Variants in RPL19 observed in about 807,000 individuals in gnomAD.
RPL19 encodes large ribosomal subunit protein eL19.
A neutral mutation model predicts 25.1 loss-of-function variants in RPL19; 2 were observed. That is an observed-to-expected ratio of 0.08 (90% CI 0.03 to 0.25). The LOEUF (loss-of-function observed/expected upper bound fraction) is 0.25. Ranked by LOEUF, RPL19 falls within the 10% of genes least tolerant of loss-of-function variation. RPL19 has a pLI of 1.00. For missense variants in RPL19, 123 were observed against 271.8 expected, an observed-to-expected ratio of 0.45 and a Z score of 3.85; for synonymous variants, 89 against 91.2, an observed-to-expected ratio of 0.98 and a Z score of 0.14.
Position 39,200,321 on chromosome 17 carries a change from C to G in RPL19, c.-24C>G, listed in dbSNP as rs374608660. On this transcript the variant is annotated 5_prime_UTR_variant, in exon 1 of 6. Coordinates refer to ENST00000225430, the MANE Select transcript of RPL19 (RefSeq NM_000981.4). The stretch of plus-strand genomic sequence containing the variant: ...GGAGCCGGGCCCGAGCGAGCTCTTT[C>G]CTTTCGCTGCTGCGGCCGCAGCCAT... 600 of 1,550,968 alleles carry G rather than the reference C, an allele frequency of 3.9e-4. 2 individuals are homozygous for G. In the African/African-American group the frequency reaches 7.2e-3, roughly 18 times the overall value.
chr17:39,204,483 A>AT (rs1473321132), intron 5 of RPL19, 42 bp from the exon 6 acceptor site: 2 of 1,611,396 alleles, frequency 1.2e-6, no homozygotes, highest in Middle Eastern at 1.7e-4. Context: ...CTAGCATCTC[A>AT]TCTCTTCCCA....
intron 3 of RPL19, 81 bp from the exon 4 acceptor site, chr17:39,202,908 G>T: frequency 6.6e-7 from 1 of 1,514,634 alleles, no homozygotes; most frequent in Non-Finnish European, 9.1e-7. Flanking sequence ...TAAGGACCCT[G>T]ACTTGAAACT....
Position 39,200,317 on chromosome 17 carries a change from CT to C in RPL19, c.-25del. 1 of 1,548,870 alleles carries C rather than the reference CT, an allele frequency of 6.5e-7. No homozygotes were observed. The highest frequency in any genetic ancestry group is 1.2e-5 in the South Asian group (1 of 83,254). On this transcript the variant is annotated 5_prime_UTR_variant, in exon 1 of 6. Coordinates refer to ENST00000225430, the MANE Select transcript of RPL19 (RefSeq NM_000981.4). ...GGGAGGAGCCGGGCCCGAGCGAGCTCTTTCCTTTCGCTGCTGCGGCCGCAGC... is the reference window on the plus strand; with the variant it reads ...GGGAGGAGCCGGGCCCGAGCGAGCTCTTCCTTTCGCTGCTGCGGCCGCAGC...
intron 1 of RPL19, 125 bp downstream of exon 1, chr17:39,200,474 T>G: frequency 2.3e-6 from 3 of 1,323,642 alleles, no homozygotes; most frequent in Non-Finnish European, 1.9e-6. Flanking sequence ...GTCCCGGGGT[T>G]TGGGGTAGGC....
chr17:39,203,628 C>G (rs576725887), intron 4 of RPL19, among the ~76,000 whole-genome samples: 1 of 151,938 alleles, frequency 6.6e-6, no homozygotes, highest in East Asian at 1.9e-4. Context: ...CCTGCCTCAC[C>G]GTCTCAAGTA....
chr17:39,202,964 C>G (rs752514495), intron 3 of RPL19, 25 bp from the exon 4 acceptor site: 9 of 1,613,638 alleles, frequency 5.6e-6, no homozygotes, highest in Non-Finnish European at 5.9e-6. Flanking sequence ...GGTAGTGGCC[C>G]GTTCCTAACT....
chr17:39,200,676 C>G (rs906396962), intron 1 of RPL19: 12 of 1,119,378 alleles, frequency 1.1e-5, no homozygotes, highest in East Asian at 5.2e-5. Context: ...GGAGCGGAGC[C>G]GATCTCTGCT....
chr17:39,202,730 G>A, intron 3 of RPL19: 2 of 564,002 alleles, frequency 3.5e-6, no homozygotes, highest in South Asian at 4.5e-5. Flanking sequence ...GTGTTGCCTT[G>A]GTGCACTGCC....
chr17:39,201,917 A>G (rs750543657), intron 2 of RPL19, among the ~76,000 whole-genome samples: 3 of 152,108 alleles, frequency 2.0e-5, no homozygotes, highest in African/African-American at 4.8e-5. Flanking sequence ...CAGAGTGTCT[A>G]TAAAATGGAG....
chr17:39,200,436 T>A (rs2046277961), intron 1 of RPL19, 87 bp downstream of exon 1: 2 of 1,355,694 alleles, frequency 1.5e-6, no homozygotes, highest in Non-Finnish European at 1.9e-6. Context: ...TTGGGGGAGA[T>A]GAAATGGAGG....
chr17:39,202,337 A>C lies in RPL19; in HGVS notation c.133A>C (p.Ile45Leu), dbSNP rs1426165763. ...ANSRQQIRKL[I>L]KDGLIIRKPV... ...CCCAGGTCAGCAGATCCGGAAGCTC[A>C]TCAAAGATGGGCTGATCATCCGCAA... Residue 45 changes from isoleucine to leucine, a missense_variant, in exon 3 of 6, where the codon ATC (isoleucine) becomes CTC (leucine). Coordinates refer to ENST00000225430, the MANE Select transcript of RPL19 (RefSeq NM_000981.4). The C allele has an allele frequency of 6.2e-7, 1 of 1,613,936 alleles. No homozygotes were observed. Among genetic ancestry groups the C allele is most frequent in the Non-Finnish European group, 8.5e-7 (1 of 1,180,006 alleles).
chr17:39,203,403 G>A (rs144032543), intron 4 of RPL19, among the ~76,000 whole-genome samples: 2 of 151,824 alleles, frequency 1.3e-5, no homozygotes, highest in East Asian at 1.9e-4. Flanking sequence ...GGATGGTCTC[G>A]ATCTCCTGGC....
At chr17:39,204,459 G>A in intron 5 of RPL19, 66 bp from the exon 6 acceptor site, 1 of 1,586,534 alleles carries the variant, frequency 6.3e-7, no homozygotes, top group Non-Finnish European at 8.6e-7. Flanking sequence ...GTCTGGGGAT[G>A]TGCTTCTGTC....
intron 1 of RPL19, 97 bp from the exon 2 acceptor site, chr17:39,201,116 G>C (rs1207981656): frequency 1.1e-5 from 9 of 783,240 alleles, no homozygotes; most frequent in Non-Finnish European, 2.0e-5. Flanking sequence ...TTATTTCGCG[G>C]CTGTGGTGTG....
chr17:39,202,317 G>A lies in RPL19; in HGVS notation c.113G>A (p.Arg38His). 6.2e-7 allele frequency: 1 copy of A among 1,613,536 alleles called. No individual in the cohort carries two copies. Among genetic ancestry groups the A allele is most frequent in the Non-Finnish European group, 8.5e-7 (1 of 1,179,894 alleles). The change falls in exon 3 of 6, where the codon CGT becomes CAT. Residue 38 changes from arginine (R) to histidine (H), a missense_variant and splice_region_variant. By Grantham distance (29) the Arg-to-His change is conservative (BLOSUM62 0). Coordinates refer to ENST00000225430, the MANE Select transcript of RPL19 (RefSeq NM_000981.4). ...ETNEIANANS[R>H]QQIRKLIKDG... ...GACCAGGTGCATTATGCTTTCCCAG[G>A]TCAGCAGATCCGGAAGCTCATCAAA...
chr17:39,204,483 A>C (rs1273834945), intron 5 of RPL19, 42 bp from the exon 6 acceptor site: 2 of 1,611,278 alleles, frequency 1.2e-6, no homozygotes, highest in Non-Finnish European at 1.7e-6. Context: ...CTAGCATCTC[A>C]TCTCTTCCCA....
At chr17:39,203,508 G>A (rs144907169) in intron 4 of RPL19, among the ~76,000 whole-genome samples, 292 of 144,428 alleles carry the variant, frequency 2.0e-3, no homozygotes, top group Middle Eastern at 8.2e-3. Flanking sequence ...CTGGCCTTGG[G>A]TAGGGAGCTT....
intron 4 of RPL19, 27 bp downstream of exon 4, chr17:39,203,136 C>T: frequency 2.5e-6 from 4 of 1,571,598 alleles, no homozygotes; most frequent in Non-Finnish European, 3.5e-6. Context: ...GGGCCCAGTA[C>T]CCATTTGCTG....
rs757386325 is a variant in RPL19, at chr17:39,204,555, C to G, written c.498C>G (p.Thr166=). 1 of 1,614,140 alleles carries G rather than the reference C, an allele frequency of 6.2e-7. No individual in the cohort carries two copies. Among genetic ancestry groups the G allele is most frequent in the South Asian group, 1.1e-5 (1 of 91,084 alleles). Residue 166 remains threonine, a synonymous_variant, in exon 6 of 6, where the codon ACC becomes ACG. Transcript: ENST00000225430. The stretch of plus-strand genomic sequence containing the variant: ...AGGCTGAGGCCCGCAGGTCTAAGAC[C>G]AAGGAAGCACGCAAGCGCCGTGAAG... ...ADQAEARRSK[T]KEARKRREER... is the part of the protein sequence containing the mutation.
Sources: gnomAD v4.1 joint callset for allele counts (sites outside exome capture counted in the v4.1 genomes callset) on GRCh38, gnomAD v4.1.1 for gene constraint, MANE v1.5 for transcripts, NCBI Gene and HGNC (gene_info 2026-07-23, HGNC 2026-07-21) for gene names.